Variants in BICD1 observed in about 807,000 individuals in gnomAD.
BICD1 encodes protein bicaudal D homolog 1.
In BICD1, 35 loss-of-function variants were observed where a neutral mutation model predicts 92.5. The observed-to-expected ratio is 0.38, with a 90% CI of 0.29 to 0.50. The LOEUF (loss-of-function observed/expected upper bound fraction) is 0.50, where lower values mean the gene tolerates loss of function less well. BICD1 is among the 20% of genes least tolerant of loss of function. The probability of loss-of-function intolerance (pLI) is 0.93; values close to 1 mark genes in which losing one functional copy is unlikely to be tolerated. For synonymous variants in BICD1, 429 were observed against 465.1 expected, an observed-to-expected ratio of 0.92 and a Z score of 1.00; for missense variants, 950 against 1,189.8, an observed-to-expected ratio of 0.80 and a Z score of 2.97.
intron 2 of BICD1, among the ~76,000 whole-genome samples, chr12:32,263,648 A>C (rs936040898): frequency 6.6e-6 from 1 of 152,232 alleles, no homozygotes; most frequent in Admixed American, 6.5e-5. Flanking sequence ...GCAACACATC[A>C]TAGAGCCAGT....
chr12:32,284,370 A>T (rs1213135011), intron 2 of BICD1, among the ~76,000 whole-genome samples: 3 of 152,156 alleles, frequency 2.0e-5, no homozygotes, highest in Non-Finnish European at 4.4e-5. Context: ...TGACTCTCAC[A>T]TTCACTTTAT....
intron 1 of BICD1, among the ~76,000 whole-genome samples, chr12:32,150,956 G>A (rs1401144137): frequency 6.6e-6 from 1 of 151,822 alleles, no homozygotes; most frequent in Non-Finnish European, 1.5e-5. Flanking sequence ...AACATCAATG[G>A]TACCCTGCTT....
At chr12:32,141,768 C>G (rs114077149) in intron 1 of BICD1, among the ~76,000 whole-genome samples, 13 of 152,320 alleles carry the variant, frequency 8.5e-5, no homozygotes, top group African/African-American at 3.1e-4. Context: ...GCCACCGCGC[C>G]TGGCCTGGAC....
chr12:32,116,911 T>C (rs891820647), intron 1 of BICD1, among the ~76,000 whole-genome samples: 1 of 151,996 alleles, frequency 6.6e-6, no homozygotes, highest in Non-Finnish European at 1.5e-5. Context: ...ATTTCATAGT[T>C]CCCTTTTTCT....
At chr12:32,221,032 G>A (rs961835810) in intron 2 of BICD1, among the ~76,000 whole-genome samples, 41 of 145,066 alleles carry the variant, frequency 2.8e-4, no homozygotes, top group Non-Finnish European at 2.8e-4. Context: ...CTCATAGGTG[G>A]GAATTGAACA....
intron 4 of BICD1, 150 bp downstream of exon 4, chr12:32,306,272 C>T: frequency 1.0e-6 from 1 of 954,612 alleles, no homozygotes; most frequent in African/African-American, 1.6e-5. Flanking sequence ...GAGACAGAGT[C>T]TTGCTCCATC....
intron 1 of BICD1, among the ~76,000 whole-genome samples, chr12:32,173,988 A>T (rs1334122768): frequency 6.6e-6 from 1 of 152,250 alleles, no homozygotes; most frequent in Non-Finnish European, 1.5e-5. Context: ...GACAGCTTTT[A>T]CATAATGATC....
At chr12:32,356,322 T>G (rs1188440539) in intron 8 of BICD1, among the ~76,000 whole-genome samples, 2 of 151,898 alleles carry the variant, frequency 1.3e-5, no homozygotes, top group African/African-American at 2.4e-5. Flanking sequence ...CATGCTGAAA[T>G]GGAGAAGAGC....
At position 32,359,840 on chromosome 12, in the gene BICD1, G is replaced by A. The variant is rs138338240; in HGVS notation, c.2765-7830G>A. Among the ~76,000 whole-genome samples, 67 of 152,226 alleles carry A rather than the reference G, an allele frequency of 4.4e-4. 1 individual carries two copies. The highest frequency in any genetic ancestry group is 4.6e-4 in the Non-Finnish European group (31 of 68,004). ...ATAACTAAGAGTCTCATCAAGAGGC[G>A]TGTGTGTTCCTTATATCATCAACTT... On this transcript the variant is annotated intron_variant, in intron 8 of 9. Coordinates refer to ENST00000652176, the MANE Select transcript of BICD1 (RefSeq NM_001714.4).
chr12:32,337,474 G>A lies in BICD1; in HGVS notation c.2253-25G>A. On this transcript the variant is annotated intron_variant, in intron 6 of 9. Coordinates refer to ENST00000652176, the MANE Select transcript of BICD1 (RefSeq NM_001714.4). The surrounding 1 kb of genome is among the most constrained non-coding windows in gnomAD (Gnocchi z 4.7). ...TTCAGTTTCACCAAGATTTTCCTCT[G>A]ACCACTTCTCTGTTTTGGTTCCAGA... The A allele has an allele frequency of 6.3e-7, 1 of 1,588,378 alleles. No homozygotes were observed. The highest frequency in any genetic ancestry group is 8.6e-7 in the Non-Finnish European group (1 of 1,160,396).
At chr12:32,108,606 T>TTATCAAAAATATCAAAAATATTATCAATA in intron 1 of BICD1, 1 of 679,012 alleles carries the variant, frequency 1.5e-6, no homozygotes, top group Non-Finnish European at 2.7e-6. Context: ...GTTTGGCATA[T>TTATCAAAAATATCAAAAATATTATCAATA]AATATCAAAA....
Position 32,216,333 on chromosome 12 carries a change from G to A in BICD1, c.300G>A (p.Ser100=), listed in dbSNP as rs754618960. The A allele has an allele frequency of 1.9e-6, 3 of 1,614,168 alleles. No homozygotes were observed. The highest frequency in any genetic ancestry group is 2.2e-5 in the South Asian group (2 of 91,074). Residue 100 remains serine (S), a synonymous_variant, in exon 2 of 10, where the codon TCG becomes TCA. Transcript: ENST00000652176. ...AAACGCTTCTGCAGGAGTCAGCATC[G>A]AAGGAGGCTTACTATCTGGGGAAGA... is the stretch of plus-strand genomic sequence containing the variant. ...REETLLQESA[S]KEAYYLGKIL...
Position 32,305,947 on chromosome 12 carries a change from G to T in BICD1, c.830G>T (p.Ser277Ile). The change falls in exon 4 of 10, where the codon AGT (serine) becomes ATT (isoleucine). Residue 277 changes from serine to isoleucine, a missense_variant. Around this residue, in one of 5 missense-constraint regions of BICD1, gnomAD observed 246 missense variants for 258.4 expected, o/e 0.95. Coordinates refer to ENST00000652176, the MANE Select transcript of BICD1 (RefSeq NM_001714.4). ...GGACTCAAATTTGCCGAGGATGGGA[G>T]TGAACCAAACAATGATGACAAAATG... ...VDGLKFAEDG[S>I]EPNNDDKMNG... 1 of 1,614,218 alleles carries T rather than the reference G, an allele frequency of 6.2e-7. No individual in the cohort carries two copies. The highest frequency in any genetic ancestry group is 8.5e-7 in the Non-Finnish European group (1 of 1,180,046).
chr12:32,340,540 C>A, intron 8 of BICD1: 1 of 918,086 alleles, frequency 1.1e-6, no homozygotes, highest in East Asian at 1.2e-4. Flanking sequence ...TAAATAACTC[C>A]TATTGCTGTT....
chr12:32,327,489 C>A lies in BICD1; in HGVS notation c.1034C>A (p.Ala345Asp). Residue 345 changes from alanine to aspartate, a missense_variant, in exon 5 of 10, where the codon GCC becomes GAC. Ala to Asp is a moderately radical substitution (Grantham distance 126). Coordinates refer to ENST00000652176, the MANE Select transcript of BICD1 (RefSeq NM_001714.4). ...QVEREKAILL[A>D]NLQESQTQLE... The stretch of plus-strand genomic sequence containing the variant: ...GAGCGGGAAAAGGCCATTCTTTTGG[C>A]CAACCTACAGGAGTCACAGACACAG... 6.2e-7 allele frequency: 1 copy of A among 1,600,394 alleles called. No individual in the cohort carries two copies. The highest frequency in any genetic ancestry group is 1.7e-4 in the Middle Eastern group (1 of 5,996).
intron 2 of BICD1, among the ~76,000 whole-genome samples, chr12:32,219,738 C>A (rs1649150247): frequency 1.3e-5 from 2 of 152,114 alleles, no homozygotes; most frequent in South Asian, 4.1e-4. Context: ...TATAAAAAAA[C>A]TAACCTAGAT....
At chr12:32,195,668 T>C (rs2121533914) in intron 1 of BICD1, among the ~76,000 whole-genome samples, 2 of 152,318 alleles carry the variant, frequency 1.3e-5, no homozygotes, top group Middle Eastern at 3.4e-3. Context: ...TTTGAAATCG[T>C]AAAAGTCTTG....
chr12:32,229,024 C>T (rs572341587), intron 2 of BICD1, among the ~76,000 whole-genome samples: 208 of 152,020 alleles, frequency 1.4e-3, no homozygotes, highest in African/African-American at 4.7e-3. Flanking sequence ...CTGAGGCGAG[C>T]GGATTACTTG....
chr12:32,152,667 C>T (rs1427297887), intron 1 of BICD1, among the ~76,000 whole-genome samples: 1 of 152,158 alleles, frequency 6.6e-6, no homozygotes, highest in South Asian at 2.1e-4. Flanking sequence ...TGCTGAGGCC[C>T]AACCCTCAAA....
Sources: allele counts gnomAD v4.1 joint callset (sites outside exome capture counted in the v4.1 genomes callset), GRCh38; gene constraint gnomAD v4.1.1; regional missense constraint gnomAD v4.1.1; non-coding constraint Gnocchi (gnomAD v3.1); transcripts MANE v1.5; gene names NCBI Gene and HGNC (gene_info 2026-07-23, HGNC 2026-07-21).